DLG1: variants seen among roughly 807,000 people sequenced by gnomAD.
The protein encoded by DLG1 is discs large MAGUK scaffold protein 1.
DLG1 carries 42 observed loss-of-function variants against 123.4 expected under a neutral mutation model. The ratio of observed to expected loss-of-function variants is 0.34; its 90% CI spans 0.27 to 0.44. DLG1 has a LOEUF of 0.44. Ranked by LOEUF, DLG1 falls within the 20% of genes least tolerant of loss-of-function variation. The pLI is 1.00. For missense variants in DLG1, 942 were observed against 1,082.6 expected, an observed-to-expected ratio of 0.87 and a Z score of 1.82; for synonymous variants, 317 against 356.2, an observed-to-expected ratio of 0.89 and a Z score of 1.24.
At chr3:197,121,431 G>C (rs1776312851) in intron 11 of DLG1, among the ~76,000 whole-genome samples, 1 of 152,018 alleles carries the variant, frequency 6.6e-6, no homozygotes, top group South Asian at 2.1e-4. Context: ...GTGAGAATGG[G>C]AAAAGACTGG....
Position 197,066,763 on chromosome 3 carries a change from A to G in DLG1, c.2048-9T>C. 1 of 1,581,510 alleles carries G rather than the reference A, an allele frequency of 6.3e-7. No homozygotes were observed. The highest frequency in any genetic ancestry group is 8.7e-7 in the Non-Finnish European group (1 of 1,154,454). On this transcript the variant is annotated splice_polypyrimidine_tract_variant and intron_variant, in intron 19 of 24. Coordinates refer to ENST00000667157, the MANE Select transcript of DLG1 (RefSeq NM_001366207.1). ...GTATTCTTCTTGACCACCTATTAGAAAGTGAAGGCACAGATGAAAAATGTG... is the reference window on the plus strand; with the variant it reads ...GTATTCTTCTTGACCACCTATTAGAGAGTGAAGGCACAGATGAAAAATGTG...
intron 4 of DLG1, among the ~76,000 whole-genome samples, chr3:197,276,985 G>C (rs1265749325): frequency 6.7e-6 from 1 of 150,162 alleles, no homozygotes; most frequent in Non-Finnish European, 1.5e-5. Context: ...TTGACCTCCA[G>C]GACTCAAGCG....
At chr3:197,166,417 G>A (rs2149968858) in intron 5 of DLG1, among the ~76,000 whole-genome samples, 1 of 152,182 alleles carries the variant, frequency 6.6e-6, no homozygotes, top group South Asian at 2.1e-4. Context: ...GGAGGTATTG[G>A]TATAAACAGT....
chr3:197,097,580 CTTTTT>C (rs3051908), intron 14 of DLG1, among the ~76,000 whole-genome samples: 4 of 122,806 alleles, frequency 3.3e-5, no homozygotes, highest in South Asian at 2.6e-4. Context: ...TTTGTACTTT[CTTTTT>C]TTTTTTTTTT....
intron 11 of DLG1, among the ~76,000 whole-genome samples, chr3:197,128,996 G>A (rs549782177): frequency 3.3e-5 from 5 of 152,308 alleles, no homozygotes; most frequent in Non-Finnish European, 7.4e-5. Context: ...GACAGGCTTA[G>A]CATAATTCCT....
chr3:197,047,224 T>C (rs187290405), intron 24 of DLG1, among the ~76,000 whole-genome samples: 22 of 152,304 alleles, frequency 1.4e-4, no homozygotes, highest in African/African-American at 4.8e-4. Context: ...AATATCCCTG[T>C]TTTTTAGAAA....
rs1491116042 is a variant in DLG1 at position 197,069,142 on chromosome 3, TCA to T, written c.2047+75_2047+76del. Reference sequence around the variant, plus strand: ...TATAACTTCAGGTTTTTATAACATATCACTCAGAATCCCTCCACCCCTGCAGA... The same window carrying T: ...TATAACTTCAGGTTTTTATAACATATCTCAGAATCCCTCCACCCCTGCAGA... On this transcript the variant is annotated intron_variant, in intron 19 of 24. Coordinates refer to ENST00000667157, the MANE Select transcript of DLG1 (RefSeq NM_001366207.1). The T allele has an allele frequency of 6.5e-6, 6 of 924,390 alleles. No individual in the cohort carries two copies. The African/African-American group carries it at 8.6e-5, about 13-fold the overall frequency. 57.3% of individuals were successfully genotyped at this position (924,390 alleles called of 1,614,324 possible).
chr3:197,165,719 G>T (rs956082451), intron 5 of DLG1, among the ~76,000 whole-genome samples: 5 of 152,138 alleles, frequency 3.3e-5, no homozygotes, highest in African/African-American at 9.7e-5. Flanking sequence ...AAACCCATAG[G>T]TTCTGACTTC....
chr3:197,145,600 CT>C (rs1790333277), intron 6 of DLG1, among the ~76,000 whole-genome samples: 1 of 152,044 alleles, frequency 6.6e-6, no homozygotes, highest in African/African-American at 2.4e-5. Context: ...TTATATGGCC[CT>C]TTTGGCATTA....
chr3:197,228,286 T>G (rs1430565834), intron 4 of DLG1, among the ~76,000 whole-genome samples: 1 of 152,218 alleles, frequency 6.6e-6, no homozygotes, highest in Non-Finnish European at 1.5e-5. Context: ...TAAAATTCAG[T>G]TCTGTGCAGA....
At chr3:197,225,896 T>A (rs776819405) in intron 4 of DLG1, 5 of 152,660 alleles carry the variant, frequency 3.3e-5, no homozygotes, top group Non-Finnish European at 7.3e-5. Flanking sequence ...TGTTGGAGCA[T>A]GCTACTTTAC....
intron 23 of DLG1, 72 bp downstream of exon 23, chr3:197,059,817 G>A: frequency 1.1e-6 from 1 of 934,380 alleles, no homozygotes; most frequent in Non-Finnish European, 1.7e-6. Flanking sequence ...TGAGATGCAG[G>A]GAGAGTAAAT....
At chr3:197,298,887 T>G (rs917272512), upstream of DLG1, 7 of 299,404 alleles carry the variant, frequency 2.3e-5, no homozygotes, top group African/African-American at 1.5e-4. Context: ...TAAGCCTAAC[T>G]GATTAATTCC....
chr3:197,275,146 A>T (rs1765791724), intron 4 of DLG1, among the ~76,000 whole-genome samples: 2 of 151,156 alleles, frequency 1.3e-5, no homozygotes, highest in African/African-American at 4.9e-5. Context: ...AGATCACGCC[A>T]CTGCACCCCA....
chr3:197,091,296 T>G (rs570012220), intron 14 of DLG1, among the ~76,000 whole-genome samples: 1 of 152,184 alleles, frequency 6.6e-6, no homozygotes, highest in African/African-American at 2.4e-5. Context: ...AAATGACAAT[T>G]TCCATGCATC....
chr3:197,269,156 T>C (rs1415334647), intron 4 of DLG1, among the ~76,000 whole-genome samples: 1 of 151,894 alleles, frequency 6.6e-6, no homozygotes, highest in African/African-American at 2.4e-5. Flanking sequence ...AGTAACATAA[T>C]TGTTAATATT....
At chr3:197,076,559 A>T (rs1167767954) in intron 18 of DLG1, 27 bp downstream of exon 18, 18 of 1,560,070 alleles carry the variant, frequency 1.2e-5, no homozygotes, top group Non-Finnish European at 1.5e-5. Flanking sequence ...TTTTATTTTC[A>T]GTTGACCACT....
chr3:197,122,576 T>A (rs1347061765), intron 11 of DLG1, among the ~76,000 whole-genome samples: 1 of 152,136 alleles, frequency 6.6e-6, no homozygotes, highest in Non-Finnish European at 1.5e-5. Context: ...AAACCTAACA[T>A]TAACAAATTT....
chr3:197,079,667 T>A (rs980423101), intron 17 of DLG1, among the ~76,000 whole-genome samples: 1 of 152,206 alleles, frequency 6.6e-6, no homozygotes, highest in African/African-American at 2.4e-5. Flanking sequence ...ATTAAAAAAT[T>A]CACATTTTTC....
Sources: allele counts gnomAD v4.1 joint callset (sites outside exome capture counted in the v4.1 genomes callset), GRCh38; gene constraint gnomAD v4.1.1; transcripts MANE v1.5; gene names NCBI Gene and HGNC (gene_info 2026-07-23, HGNC 2026-07-21).